HS6ST3: variants seen among roughly 807,000 people sequenced by gnomAD.
HS6ST3 encodes heparan-sulfate 6-O-sulfotransferase 3.
Under a neutral mutation model 36.7 loss-of-function variants are expected in HS6ST3, and 12 were observed. The ratio of observed to expected loss-of-function variants is 0.33; its 90% CI spans 0.21 to 0.53. The LOEUF is 0.53. Among genes scored for constraint, HS6ST3 ranks in the 20% least tolerant of loss-of-function variants. The pLI, the probability that HS6ST3 is intolerant of heterozygous loss-of-function variation, is 0.95. For missense variants in HS6ST3, 584 were observed against 640.9 expected (o/e 0.91, Z 0.96); for synonymous variants, 240 against 257.5 (o/e 0.93, Z 0.65).
At chr13:96,712,323 G>T (rs191712978) in intron 1 of HS6ST3, among the ~76,000 whole-genome samples, 1 of 152,254 alleles carries the variant, frequency 6.6e-6, no homozygotes, top group African/African-American at 2.4e-5. Context: ...GATCTCTATA[G>T]ATACTTCCTA....
intron 1 of HS6ST3, among the ~76,000 whole-genome samples, chr13:96,729,787 G>A (rs1049878461): frequency 2.0e-5 from 3 of 152,120 alleles, no homozygotes; most frequent in African/African-American, 7.2e-5. Context: ...TTCTGTTTTA[G>A]TATTTGTTTG....
intron 1 of HS6ST3, among the ~76,000 whole-genome samples, chr13:96,202,089 C>T (rs1002200832): frequency 6.6e-6 from 1 of 152,160 alleles, no homozygotes; most frequent in Non-Finnish European, 1.5e-5. Context: ...CTGCATATTG[C>T]TGACTACTTT....
chr13:96,160,453 G>A (rs980037243), intron 1 of HS6ST3, among the ~76,000 whole-genome samples: 3 of 152,150 alleles, frequency 2.0e-5, no homozygotes, highest in Admixed American at 1.3e-4. Flanking sequence ...GCTATAGTAA[G>A]GGTTATTTCC....
At chr13:96,396,314 G>C (rs603250) in intron 1 of HS6ST3, among the ~76,000 whole-genome samples, 3 of 151,222 alleles carry the variant, frequency 2.0e-5, no homozygotes, top group East Asian at 3.9e-4. Context: ...ACTCTGTTTT[G>C]TTTGTTTGTT....
intron 1 of HS6ST3, among the ~76,000 whole-genome samples, chr13:96,544,687 G>T (rs1299907232): frequency 6.6e-6 from 1 of 152,034 alleles, no homozygotes; most frequent in East Asian, 1.9e-4. Context: ...ATATTTTTCA[G>T]CGTTGACCCT....
chr13:96,421,167 A>G (rs991834895), intron 1 of HS6ST3, among the ~76,000 whole-genome samples: 3 of 152,202 alleles, frequency 2.0e-5, no homozygotes, highest in Non-Finnish European at 4.4e-5. Context: ...TAAATATTCA[A>G]TATTTATCAT....
intron 1 of HS6ST3, among the ~76,000 whole-genome samples, chr13:96,781,136 G>A (rs2138514045): frequency 6.6e-6 from 1 of 152,248 alleles, no homozygotes; most frequent in East Asian, 1.9e-4. Context: ...TCCTTGTGGA[G>A]ATACTCTCTT....
At chr13:96,363,290 ATT>A (rs35530266) in intron 1 of HS6ST3, among the ~76,000 whole-genome samples, 2 of 145,698 alleles carry the variant, frequency 1.4e-5, no homozygotes, top group Admixed American at 6.9e-5. Flanking sequence ...CTTCCTGTAC[ATT>A]TTTTTTTTTT....
intron 1 of HS6ST3, among the ~76,000 whole-genome samples, chr13:96,536,484 T>C (rs1053954985): frequency 6.6e-6 from 1 of 152,202 alleles, no homozygotes; most frequent in Non-Finnish European, 1.5e-5. Context: ...ACAGGGATGC[T>C]TAGAGAAAAA....
chr13:96,332,153 G>T (rs962166177), intron 1 of HS6ST3, among the ~76,000 whole-genome samples: 4 of 152,144 alleles, frequency 2.6e-5, no homozygotes, highest in Non-Finnish European at 5.9e-5. Context: ...TGTGTCGCTC[G>T]TGCTGGGAGC....
At chr13:96,818,823 A>G (rs1269395000) in intron 1 of HS6ST3, among the ~76,000 whole-genome samples, 1 of 152,244 alleles carries the variant, frequency 6.6e-6, no homozygotes, top group Non-Finnish European at 1.5e-5. Context: ...GAGCTTTTGC[A>G]ATGTGCAAGT....
chr13:96,542,784 T>A (rs2138943160), intron 1 of HS6ST3, among the ~76,000 whole-genome samples: 1 of 152,230 alleles, frequency 6.6e-6, no homozygotes, highest in South Asian at 2.1e-4. Flanking sequence ...TAGGAGATAT[T>A]TTCTCAGGGA....
intron 1 of HS6ST3, among the ~76,000 whole-genome samples, chr13:96,282,502 G>A (rs556191714): frequency 2.2e-4 from 34 of 152,152 alleles, no homozygotes; most frequent in Non-Finnish European, 3.8e-4. Flanking sequence ...ACGTATGTGG[G>A]TCAGTGGGGT....
intron 1 of HS6ST3, among the ~76,000 whole-genome samples, chr13:96,544,397 T>A (rs2056189555): frequency 6.6e-6 from 1 of 152,148 alleles, no homozygotes; most frequent in Non-Finnish European, 1.5e-5. Context: ...AATATTTACA[T>A]GGCTAGTGTG....
intron 1 of HS6ST3, among the ~76,000 whole-genome samples, chr13:96,402,273 G>C (rs2055455855): frequency 6.6e-6 from 1 of 152,152 alleles, no homozygotes; most frequent in South Asian, 2.1e-4. Context: ...CTATAAAGTG[G>C]AGATAACAAT....
At chr13:96,111,988 A>T (rs1028041667) in intron 1 of HS6ST3, among the ~76,000 whole-genome samples, 1 of 152,220 alleles carries the variant, frequency 6.6e-6, no homozygotes, top group South Asian at 2.1e-4. Context: ...AAAAGTTAGG[A>T]TACCCTAAGT....
At chr13:96,781,236 T>C (rs1877519723) in intron 1 of HS6ST3, among the ~76,000 whole-genome samples, 1 of 152,218 alleles carries the variant, frequency 6.6e-6, no homozygotes, top group African/African-American at 2.4e-5. Context: ...GGGCTGCCAC[T>C]GGCCCATAAA....
chr13:96,711,537 G>A (rs935994939), intron 1 of HS6ST3, among the ~76,000 whole-genome samples: 2 of 152,100 alleles, frequency 1.3e-5, no homozygotes, highest in East Asian at 1.9e-4. Flanking sequence ...AATGACCCAC[G>A]TCTTTGTCTG....
intron 1 of HS6ST3, among the ~76,000 whole-genome samples, chr13:96,829,932 T>C (rs1199849504): frequency 6.6e-6 from 1 of 152,230 alleles, no homozygotes; most frequent in Non-Finnish European, 1.5e-5. Flanking sequence ...TCCTTTGATT[T>C]AAATATACAG....
Sources: allele counts gnomAD v4.1 joint callset (sites outside exome capture counted in the v4.1 genomes callset), GRCh38; gene constraint gnomAD v4.1.1; transcripts MANE v1.5; gene names NCBI Gene and HGNC (gene_info 2026-07-23, HGNC 2026-07-21).